Variants in HTR2C observed in about 807,000 individuals in gnomAD.
The protein encoded by HTR2C is 5-hydroxytryptamine receptor 2C, also known as 5-hydroxytryptamine (serotonin) receptor 2C, G protein-coupled.
Under a neutral mutation model 21.0 loss-of-function variants are expected in HTR2C, and 5 were observed. That is an observed-to-expected ratio of 0.24 (90% CI 0.12 to 0.50). The LOEUF is 0.50. Among genes scored for constraint, HTR2C ranks in the 20% least tolerant of loss-of-function variants. HTR2C has a pLI of 0.98. For synonymous variants in HTR2C, 150 were observed against 145.3 expected, an observed-to-expected ratio of 1.03 and a Z score of -0.23; for missense variants, 271 against 371.2, an observed-to-expected ratio of 0.73 and a Z score of 2.22.
chrX:114,837,351 T>TCTCTTTAGA (rs1247014148), intron 4 of HTR2C, among the ~76,000 whole-genome samples: 23 of 112,066 alleles, frequency 2.1e-4, no homozygotes, highest in African/African-American at 7.1e-4. Context: ...TGATATAATA[T>TCTCTTTAGA]CTCTTTAGAT....
intron 4 of HTR2C, among the ~76,000 whole-genome samples, chrX:114,817,164 G>A (rs2070593196): frequency 9.0e-6 from 1 of 110,845 alleles, no homozygotes. Context: ...TGTGTCTGTA[G>A]GTTTTTTTTA....
At chrX:114,825,158 T>C (rs1310647695) in intron 4 of HTR2C, among the ~76,000 whole-genome samples, 1 of 111,742 alleles carries the variant, frequency 8.9e-6, no homozygotes, top group Non-Finnish European at 1.9e-5. Flanking sequence ...TTATTTCTTC[T>C]GGTACTTGGA....
rs1556405383 is a variant in HTR2C, at chrX:114,637,166, T to C, written c.-80+23285T>C. Among the ~76,000 whole-genome samples, 3 of 111,891 alleles carry C rather than the reference T, an allele frequency of 2.7e-5. No individual in the cohort carries two copies. In the Admixed American group the frequency reaches 2.9e-4, roughly 11 times the overall value. ...ACATAATCTTGTAGGTTTAAGCCTG[T>C]AAATATACAGAGGCACTTTTAAAAG... On this transcript the variant is annotated intron_variant, in intron 2 of 5. Transcript: ENST00000276198.
chrX:114,694,484 TATATATATAC>T (rs1445655238), intron 2 of HTR2C, among the ~76,000 whole-genome samples: 1 of 8,797 alleles, frequency 1.1e-4, no homozygotes, highest in Non-Finnish European at 2.4e-4. Flanking sequence ...TATATATATA[TATATATATAC>T]ACACACAGAT....
At position 114,606,806 on chromosome X, in the gene HTR2C, G is replaced by A. The variant is rs373834925; in HGVS notation, c.-146-7009G>A. 5.1e-3 allele frequency among the ~76,000 whole-genome samples: 572 copies of A among 111,220 alleles called. 10 individuals are homozygous for A. Among genetic ancestry groups the A allele is most frequent in the African/African-American group, 0.018 (532 of 30,053 alleles). On this transcript the variant is annotated intron_variant, in intron 1 of 5. Coordinates refer to ENST00000276198, the MANE Select transcript of HTR2C (RefSeq NM_000868.4). ...ACAGCACCAAATTTCATGTGTGTCC[G>A]TGTGAAGAGACCACTAAACAGGCTT...
chrX:114,731,245 T>G (rs1000950791), intron 3 of HTR2C, 49 bp from the exon 4 acceptor site: 1 of 913,708 alleles, frequency 1.1e-6, no homozygotes, highest in African/African-American at 2.0e-5. Flanking sequence ...GTATTGTGTA[T>G]AAGTAATATA....
At chrX:114,670,703 A>G (rs1355957327) in intron 2 of HTR2C, among the ~76,000 whole-genome samples, 2 of 112,510 alleles carry the variant, frequency 1.8e-5, no homozygotes, top group Non-Finnish European at 3.8e-5. Context: ...AATTTATGCA[A>G]TATATTAAAT....
chrX:114,717,212 G>C (rs951753497), intron 2 of HTR2C, among the ~76,000 whole-genome samples: 10 of 110,399 alleles, frequency 9.1e-5, no homozygotes, highest in African/African-American at 3.0e-4. Context: ...GCTAGGACCA[G>C]AGGCACACGC....
At chrX:114,756,759 G>A (rs185148827) in intron 4 of HTR2C, among the ~76,000 whole-genome samples, 1 of 111,664 alleles carries the variant, frequency 9.0e-6, no homozygotes, top group East Asian at 2.8e-4. Flanking sequence ...CTGCCATCTT[G>A]GCTATATCAA....
At chrX:114,748,047 AATT>A (rs199770668) in intron 4 of HTR2C, among the ~76,000 whole-genome samples, 1,420 of 112,285 alleles carry the variant, frequency 0.013, 22 homozygotes, top group African/African-American at 0.043. Flanking sequence ...TAACTAAAAT[AATT>A]ATTAAGTGAG....
intron 4 of HTR2C, among the ~76,000 whole-genome samples, chrX:114,743,044 A>G (rs1405891358): frequency 1.4e-5 from 1 of 69,954 alleles, no homozygotes; most frequent in Non-Finnish European, 2.7e-5. Context: ...CCATGTCCCT[A>G]CAAAGGACAT....
At chrX:114,663,481 T>C (rs1266315775) in intron 2 of HTR2C, among the ~76,000 whole-genome samples, 3 of 111,924 alleles carry the variant, frequency 2.7e-5, no homozygotes, top group Non-Finnish European at 5.7e-5. Context: ...TAACTGGCAT[T>C]TATTCTTGCA....
At chrX:114,747,655 G>A (rs1268359845) in intron 4 of HTR2C, among the ~76,000 whole-genome samples, 2 of 112,335 alleles carry the variant, frequency 1.8e-5, no homozygotes, top group Admixed American at 1.9e-4. Context: ...CATCTTGCTT[G>A]CACTTTCTCT....
intron 5 of HTR2C, among the ~76,000 whole-genome samples, chrX:114,877,916 G>T (rs2071151734): frequency 1.8e-5 from 2 of 110,687 alleles, no homozygotes; most frequent in Admixed American, 9.7e-5. Flanking sequence ...CACTTGAGAA[G>T]AATGTGTATT....
chrX:114,794,931 G>A lies in HTR2C; in HGVS notation c.350-53072G>A, dbSNP rs370898701. Among the ~76,000 whole-genome samples the A allele has an allele frequency of 5.5e-5, 6 of 108,350 alleles. No individual in the cohort carries two copies. The East Asian group carries it at 8.8e-4, about 16-fold the overall frequency. 94.1% of individuals were successfully genotyped at this position (108,350 alleles called of 115,157 possible). A position where few individuals can be genotyped will look rare whatever the true frequency, so the allele number is the denominator to read the frequency against. On this transcript the variant is annotated intron_variant, in intron 4 of 5. Coordinates refer to ENST00000276198, the MANE Select transcript of HTR2C (RefSeq NM_000868.4). ...TGGGTCAAATGGTATTTCTAGTTCT[G>A]GATCCCTGAGGAATCGCCACACTGA...
At chrX:114,750,082 A>AC (rs2069747410) in intron 4 of HTR2C, among the ~76,000 whole-genome samples, 1 of 111,618 alleles carries the variant, frequency 9.0e-6, no homozygotes, top group African/African-American at 3.3e-5. Flanking sequence ...GTCTGAGTTG[A>AC]CGCATCTGTG....
At chrX:114,595,812 A>C (rs908266327) in intron 1 of HTR2C, among the ~76,000 whole-genome samples, 1,081 of 10,828 alleles carry the variant, frequency 0.1, 16 homozygotes, top group African/African-American at 0.19. Context: ...TTAAAACACA[A>C]AAAAAAAATC....
At chrX:114,590,156 T>C (rs1927572244) in intron 1 of HTR2C, among the ~76,000 whole-genome samples, 1 of 111,662 alleles carries the variant, frequency 9.0e-6, no homozygotes, top group Admixed American at 9.6e-5. Context: ...TGAGCCCAGG[T>C]AGAAAAACCA....
chrX:114,782,534 T>C (rs781802129), intron 4 of HTR2C, among the ~76,000 whole-genome samples: 1 of 110,563 alleles, frequency 9.0e-6, no homozygotes, highest in Admixed American at 9.7e-5. Context: ...CTGGGCAACA[T>C]AGGAAGACCC....
Sources: gnomAD v4.1 joint callset for allele counts (sites outside exome capture counted in the v4.1 genomes callset) on GRCh38, gnomAD v4.1.1 for gene constraint, MANE v1.5 for transcripts, NCBI Gene and HGNC (gene_info 2026-07-23, HGNC 2026-07-21) for gene names.